The following CTNND2 variants were observed in gnomAD, a reference collection of about 807,000 sequenced individuals.
CTNND2 encodes the protein catenin delta 2, also known as catenin delta-2.
In CTNND2, 22 loss-of-function variants were observed where a neutral mutation model predicts 144.4. That is an observed-to-expected ratio of 0.15 (90% CI 0.11 to 0.22). The LOEUF (loss-of-function observed/expected upper bound fraction) is 0.22. Ranked by LOEUF, CTNND2 falls within the 10% of genes least tolerant of loss-of-function variation. The pLI is 1.00. For missense variants in CTNND2, 1,353 were observed against 1,618.8 expected (o/e 0.84, Z 2.82); for synonymous variants, 751 against 695.6 (o/e 1.08, Z -1.25).
chr5:11,589,284 C>A (rs1581571681), intron 2 of CTNND2, among the ~76,000 whole-genome samples: 1 of 145,382 alleles, frequency 6.9e-6, no homozygotes, highest in East Asian at 2.0e-4. Context: ...AACATTAAAA[C>A]ACACACACAC....
chr5:10,997,904 C>T (rs1040281639), intron 18 of CTNND2, among the ~76,000 whole-genome samples: 3 of 152,294 alleles, frequency 2.0e-5, no homozygotes, highest in Admixed American at 6.5e-5. Flanking sequence ...TGTGGCACAG[C>T]TGTAGGACTG....
chr5:11,201,047 C>G (rs886901429), intron 10 of CTNND2, among the ~76,000 whole-genome samples: 5 of 152,194 alleles, frequency 3.3e-5, no homozygotes, highest in African/African-American at 1.2e-4. Flanking sequence ...CCGTTTAAAA[C>G]TGCACTTAGA....
chr5:11,631,448 T>C (rs1030370221), intron 2 of CTNND2, among the ~76,000 whole-genome samples: 3 of 152,192 alleles, frequency 2.0e-5, no homozygotes, highest in Non-Finnish European at 2.9e-5. Context: ...ATAACCAACT[T>C]AATCTTGGAG....
At chr5:11,213,586 T>C (rs1292109353) in intron 10 of CTNND2, among the ~76,000 whole-genome samples, 1 of 152,056 alleles carries the variant, frequency 6.6e-6, no homozygotes, top group African/African-American at 2.4e-5. Flanking sequence ...TATAAGAAAA[T>C]ACACATTTGG....
At chr5:11,855,972 G>T (rs2127014169) in intron 1 of CTNND2, among the ~76,000 whole-genome samples, 1 of 152,286 alleles carries the variant, frequency 6.6e-6, no homozygotes, top group South Asian at 2.1e-4. Context: ...ATAAAGTGTG[G>T]TTGCAAGAAA....
chr5:11,014,838 C>T (rs563146052), intron 18 of CTNND2, among the ~76,000 whole-genome samples: 2 of 152,250 alleles, frequency 1.3e-5, no homozygotes, highest in East Asian at 3.9e-4. Flanking sequence ...ATCCAATTCC[C>T]ATCTCTCCCC....
chr5:11,390,474 T>A (rs1331622248), intron 6 of CTNND2, among the ~76,000 whole-genome samples: 2 of 152,186 alleles, frequency 1.3e-5, no homozygotes, highest in Non-Finnish European at 2.9e-5. Flanking sequence ...CCCCAATGCT[T>A]ATATCCAGTT....
At chr5:11,487,556 G>C (rs944251798) in intron 3 of CTNND2, among the ~76,000 whole-genome samples, 32 of 152,150 alleles carry the variant, frequency 2.1e-4, no homozygotes, top group African/African-American at 7.7e-4. Flanking sequence ...GCATGTGGCA[G>C]TCAGAGTGCA....
chr5:11,286,605 A>G (rs1747779232), intron 9 of CTNND2, among the ~76,000 whole-genome samples: 1 of 152,250 alleles, frequency 6.6e-6, no homozygotes, highest in Non-Finnish European at 1.5e-5. Flanking sequence ...AATGCTGAAC[A>G]CGTGCTAAAC....
At chr5:11,339,407 G>C (rs149866942) in intron 9 of CTNND2, among the ~76,000 whole-genome samples, 1 of 152,158 alleles carries the variant, frequency 6.6e-6, no homozygotes, top group Non-Finnish European at 1.5e-5. Flanking sequence ...GCGGGAGGAG[G>C]TGAGGGCTGG....
rs943823356 is a variant in CTNND2 at position 11,714,291 on chromosome 5, T to C, written c.174+17845A>G. On this transcript the variant is annotated intron_variant, in intron 2 of 21. Coordinates refer to ENST00000304623, the MANE Select transcript of CTNND2 (RefSeq NM_001332.4). ...AACACCTCTTTAAATGTTTTTATTT[T>C]CCTAGGGATAATGACAATTTTTTTT... Among the ~76,000 whole-genome samples the C allele has an allele frequency of 5.9e-5, 9 of 152,150 alleles. 1 individual carries two copies. Among genetic ancestry groups the C allele is most frequent in the Admixed American group, 3.3e-4 (5 of 15,272 alleles).
chr5:11,540,442 G>C (rs1430499807), intron 3 of CTNND2, among the ~76,000 whole-genome samples: 1 of 152,208 alleles, frequency 6.6e-6, no homozygotes, highest in African/African-American at 2.4e-5. Flanking sequence ...GAATCCCGCT[G>C]GGAATTGCTA....
chr5:11,719,290 G>C (rs1432058735), intron 2 of CTNND2, among the ~76,000 whole-genome samples: 1 of 152,126 alleles, frequency 6.6e-6, no homozygotes, highest in Non-Finnish European at 1.5e-5. Context: ...CTTCAGAAGC[G>C]AGTGTCACGT....
chr5:11,443,539 T>A (rs1343246388), intron 3 of CTNND2, among the ~76,000 whole-genome samples: 2 of 152,030 alleles, frequency 1.3e-5, no homozygotes, highest in Admixed American at 6.6e-5. Flanking sequence ...AGTTCTCTAG[T>A]TAAAAATTCT....
At chr5:11,877,880 T>A (rs910042864) in intron 1 of CTNND2, among the ~76,000 whole-genome samples, 2 of 152,142 alleles carry the variant, frequency 1.3e-5, no homozygotes, top group African/African-American at 4.8e-5. Context: ...TTCAAATTAT[T>A]AACATCAAGT....
intron 9 of CTNND2, among the ~76,000 whole-genome samples, chr5:11,296,365 ACAC>A (rs1749000345): frequency 6.6e-6 from 1 of 152,182 alleles, no homozygotes; most frequent in Admixed American, 6.5e-5. Context: ...AGAAAAAGGA[ACAC>A]TTTTACACTG....
intron 1 of CTNND2, among the ~76,000 whole-genome samples, chr5:11,807,574 G>A (rs1383335904): frequency 2.6e-5 from 4 of 152,102 alleles, no homozygotes; most frequent in African/African-American, 4.8e-5. Context: ...TATGATCAAC[G>A]TGGTAGAATT....
intron 16 of CTNND2, chr5:11,027,242 A>G (rs1742942088): frequency 6.6e-6 from 1 of 152,268 alleles, no homozygotes; most frequent in Admixed American, 6.5e-5. Context: ...GGAATGATAC[A>G]GAGAAAGATT....
At chr5:11,048,822 G>T (rs571386934) in intron 16 of CTNND2, among the ~76,000 whole-genome samples, 4 of 152,194 alleles carry the variant, frequency 2.6e-5, no homozygotes, top group Non-Finnish European at 5.9e-5. Flanking sequence ...CAGGTTTCCA[G>T]GTCTCCTTGA....
Sources: allele counts gnomAD v4.1 joint callset (sites outside exome capture counted in the v4.1 genomes callset), GRCh38; gene constraint gnomAD v4.1.1; transcripts MANE v1.5; gene names NCBI Gene and HGNC (gene_info 2026-07-23, HGNC 2026-07-21).